The following EHD3 variants were observed in gnomAD, a reference collection of about 807,000 sequenced individuals.
The protein encoded by EHD3 is EH domain containing 3.
EHD3 carries 17 observed loss-of-function variants against 43.0 expected under a neutral mutation model. The ratio of observed to expected loss-of-function variants is 0.40; its 90% CI spans 0.27 to 0.59. The LOEUF (loss-of-function observed/expected upper bound fraction) is 0.59. Among genes scored for constraint, EHD3 ranks in the 20% least tolerant of loss-of-function variants. EHD3 has a pLI of 0.49. For synonymous variants in EHD3, 313 were observed against 289.5 expected, an observed-to-expected ratio of 1.08 and a Z score of -0.82; for missense variants, 594 against 705.6, an observed-to-expected ratio of 0.84 and a Z score of 1.79.
intron 3 of EHD3, among the ~76,000 whole-genome samples, chr2:31,256,558 C>G (rs185875780): frequency 6.6e-6 from 1 of 152,140 alleles, no homozygotes; most frequent in African/African-American, 2.4e-5. Context: ...CCCAGTGCAC[C>G]GAGGATGATT....
Position 31,269,342 on chromosome 2 carries a change from A to G in EHD3, c.*2638A>G, listed in dbSNP as rs1684010404. The G allele has an allele frequency of 6.6e-6, 1 of 152,252 alleles. No individual in the cohort carries two copies. The highest frequency in any genetic ancestry group is 6.5e-5 in the Admixed American group (1 of 15,286). 9.4% of individuals were successfully genotyped at this position (152,252 alleles called of 1,614,324 possible). A position where few individuals can be genotyped will look rare whatever the true frequency, so the allele number is the denominator to read the frequency against. On this transcript the variant is annotated 3_prime_UTR_variant, in exon 6 of 6. Coordinates refer to ENST00000322054, the MANE Select transcript of EHD3 (RefSeq NM_014600.3). ...GGTACCAAAGAGCTAAATCATGACCAAAGTGTGACATGAATGTAACTGAAA... is the reference window on the plus strand; with the variant it reads ...GGTACCAAAGAGCTAAATCATGACCGAAGTGTGACATGAATGTAACTGAAA...
intron 2 of EHD3, 120 bp downstream of exon 2, chr2:31,244,570 T>G: frequency 9.2e-7 from 1 of 1,088,420 alleles, no homozygotes; most frequent in Non-Finnish European, 1.3e-6. Flanking sequence ...CTGTCAATCT[T>G]TCCATACCTA....
rs547333371 is a variant in EHD3, at chr2:31,235,830, A to G, written c.227+982A>G. Reference sequence around the variant, plus strand: ...GAGAACAGGCTTCACTCCAGTCCTCAATCTTCCCAACTTCAAGGCCAGCCA... The same window carrying G: ...GAGAACAGGCTTCACTCCAGTCCTCGATCTTCCCAACTTCAAGGCCAGCCA... On this transcript the variant is annotated intron_variant, in intron 1 of 5. Transcript: ENST00000322054. Among the ~76,000 whole-genome samples, 346 of 152,278 alleles carry G rather than the reference A, an allele frequency of 2.3e-3. 1 individual carries two copies. Among genetic ancestry groups the G allele is most frequent in the African/African-American group, 8.0e-3 (334 of 41,562 alleles).
chr2:31,249,596 T>C (rs1055278226), intron 3 of EHD3, 128 bp downstream of exon 3: 4 of 812,734 alleles, frequency 4.9e-6, no homozygotes, highest in African/African-American at 1.7e-5. Flanking sequence ...TCTCCTGTGC[T>C]GTGTGGGATC....
In EHD3 at chr2:31,258,011, C is replaced by G. The variant is rs530370000; in HGVS notation, c.503-2499C>G. Among the ~76,000 whole-genome samples the G allele has an allele frequency of 1.5e-4, 23 of 152,272 alleles. 1 individual carries two copies. In the East Asian group the frequency reaches 4.2e-3, roughly 28 times the overall value. ...AATCAGGAAGTTGGACCATTGATGG[C>G]TAAGCTCCTCGTAGCCTCATAGGTC... On this transcript the variant is annotated intron_variant, in intron 3 of 5. Transcript: ENST00000322054.
intron 2 of EHD3, among the ~76,000 whole-genome samples, chr2:31,248,243 G>A (rs1258518028): frequency 6.6e-6 from 1 of 152,168 alleles, no homozygotes; most frequent in African/African-American, 2.4e-5. Context: ...ACACTTGACT[G>A]CTTTCCTAAT....
intron 2 of EHD3, among the ~76,000 whole-genome samples, chr2:31,247,277 T>C (rs541008907): frequency 6.6e-6 from 1 of 152,318 alleles, no homozygotes; most frequent in African/African-American, 2.4e-5. Context: ...ATTTTATGCC[T>C]TGCTGGACCA....
chr2:31,267,627 G>A lies in EHD3; in HGVS notation c.*923G>A, dbSNP rs78608057. The A allele has an allele frequency of 0.024, 3,675 of 152,766 alleles. 78 individuals carry two copies. Among genetic ancestry groups the A allele is most frequent in the South Asian group, 0.079 (380 of 4,820 alleles). 9.5% of individuals were successfully genotyped at this position (152,766 alleles called of 1,614,324 possible). On this transcript the variant is annotated 3_prime_UTR_variant, in exon 6 of 6. Coordinates refer to ENST00000322054, the MANE Select transcript of EHD3 (RefSeq NM_014600.3). The stretch of plus-strand genomic sequence containing the variant: ...CAGTTGAGGAGGCTGAGTAGCCTCA[G>A]AAGGGTTTAGGCGACCTTCTGAAAC...
intron 5 of EHD3, among the ~76,000 whole-genome samples, chr2:31,265,376 A>T (rs1212573055): frequency 6.6e-6 from 1 of 152,220 alleles, no homozygotes; most frequent in Non-Finnish European, 1.5e-5. Flanking sequence ...CCACAAACAC[A>T]TAATGCGTTG....
chr2:31,262,532 A>G (rs1391096964), intron 5 of EHD3, among the ~76,000 whole-genome samples: 1 of 152,228 alleles, frequency 6.6e-6, no homozygotes, highest in Non-Finnish European at 1.5e-5. Context: ...AGTACACAGT[A>G]GCAAATCATT....
intron 1 of EHD3, among the ~76,000 whole-genome samples, chr2:31,236,977 C>A (rs1033845556): frequency 1.3e-5 from 2 of 152,112 alleles, no homozygotes; most frequent in Non-Finnish European, 2.9e-5. Flanking sequence ...ACAGTAAGAC[C>A]GGGAGAGGCA....
In EHD3 at chr2:31,244,523, T is replaced by G. The variant is rs1558647664; in HGVS notation, c.404+73T>G. 50 of 1,519,370 alleles carry G rather than the reference T, an allele frequency of 3.3e-5. 1 individual carries two copies. The South Asian group carries it at 6.2e-4, about 19-fold the overall frequency. The allele number at this position is 1,519,370 out of a possible 1,614,324, so 94.1% of individuals were successfully genotyped here. ...TGGGGTATGGGGAGTGAAAGAACAG[T>G]AGGCAGGGTCTTGGGATGCTTGGTG... On this transcript the variant is annotated intron_variant, in intron 2 of 5. Coordinates refer to ENST00000322054, the MANE Select transcript of EHD3 (RefSeq NM_014600.3).
At chr2:31,244,139 T>C (rs998496543) in intron 1 of EHD3, 135 bp from the exon 2 acceptor site, 1 of 723,138 alleles carries the variant, frequency 1.4e-6, no homozygotes, top group African/African-American at 1.7e-5. Context: ...CAGCAGGCAT[T>C]TCTCCCGGCC....
chr2:31,251,391 G>A (rs1289915942), intron 3 of EHD3, among the ~76,000 whole-genome samples: 1 of 152,200 alleles, frequency 6.6e-6, no homozygotes, highest in Non-Finnish European at 1.5e-5. Flanking sequence ...AGCCCTCCAG[G>A]GAAGACACAG....
At chr2:31,244,181 CCT>C in intron 1 of EHD3, 91 bp from the exon 2 acceptor site, 1 of 1,304,508 alleles carries the variant, frequency 7.7e-7, no homozygotes, top group Non-Finnish European at 1.0e-6. Context: ...CCTGCCCTCC[CCT>C]CTGACTCGCA....
intron 3 of EHD3, among the ~76,000 whole-genome samples, chr2:31,252,619 C>T (rs1170573267): frequency 2.0e-5 from 3 of 152,204 alleles, no homozygotes; most frequent in African/African-American, 7.2e-5. Context: ...GGACGACAGG[C>T]ATGCGCCACC....
At position 31,234,339 on chromosome 2, in the gene EHD3, CT is replaced by C; in HGVS notation, c.-280del. ...TCTGGCAGTTTCCTTGCAGGTTCAA[CT>C]TTAATTGCCAAGATTTCACCCCTCC... is the stretch of plus-strand genomic sequence containing the variant. On this transcript the variant is annotated 5_prime_UTR_variant, in exon 1 of 6. Coordinates refer to ENST00000322054, the MANE Select transcript of EHD3 (RefSeq NM_014600.3). The C allele has an allele frequency of 2.3e-6, 1 of 440,874 alleles. No individual in the cohort carries two copies. The highest frequency in any genetic ancestry group is 2.2e-5 in the South Asian group (1 of 44,996). The allele number at this position is 440,874 out of a possible 1,614,324, so 27.3% of individuals were successfully genotyped here. A position where few individuals can be genotyped will look rare whatever the true frequency, so the allele number is the denominator to read the frequency against.
chr2:31,244,600 A>T, intron 2 of EHD3, 150 bp downstream of exon 2: 1 of 881,404 alleles, frequency 1.1e-6, no homozygotes, highest in South Asian at 1.9e-5. Context: ...TTGCTTGCTG[A>T]GAGTGTAACT....
chr2:31,247,240 T>C (rs1269912368), intron 2 of EHD3, among the ~76,000 whole-genome samples: 1 of 152,192 alleles, frequency 6.6e-6, no homozygotes, highest in African/African-American at 2.4e-5. Context: ...GGCAGAAGGA[T>C]AGAGAAGAGG....
Sources: gnomAD v4.1 joint callset for allele counts (sites outside exome capture counted in the v4.1 genomes callset) on GRCh38, gnomAD v4.1.1 for gene constraint, MANE v1.5 for transcripts, NCBI Gene and HGNC (gene_info 2026-07-23, HGNC 2026-07-21) for gene names.